ROBO1: variants seen among roughly 807,000 people sequenced by gnomAD.
The protein encoded by ROBO1 is roundabout guidance receptor 1.
ROBO1 carries 149 observed loss-of-function variants against 195.9 expected under a neutral mutation model. The observed-to-expected ratio is 0.76, with a 90% CI of 0.67 to 0.87. ROBO1 has a LOEUF of 0.87. ROBO1 is among the 40% of genes least tolerant of loss of function. The pLI, the probability that ROBO1 is intolerant of heterozygous loss-of-function variation, is 0.00. For missense variants in ROBO1, 1,933 were observed against 2,068.3 expected, an observed-to-expected ratio of 0.93 and a Z score of 1.27; for synonymous variants, 816 against 733.2, an observed-to-expected ratio of 1.11 and a Z score of -1.82.
chr3:78,849,206 G>A (rs2033873962), intron 4 of ROBO1, among the ~76,000 whole-genome samples: 1 of 152,056 alleles, frequency 6.6e-6, no homozygotes, highest in African/African-American at 2.4e-5. Flanking sequence ...CATGATGGGT[G>A]GGCAATTCCG....
chr3:78,891,209 G>GA (rs1433263600), intron 4 of ROBO1, among the ~76,000 whole-genome samples: 1 of 151,986 alleles, frequency 6.6e-6, no homozygotes, highest in Non-Finnish European at 1.5e-5. Flanking sequence ...ATATACAATG[G>GA]AAAAAATACA....
chr3:79,145,277 A>G (rs1044772355), intron 2 of ROBO1, among the ~76,000 whole-genome samples: 1 of 151,888 alleles, frequency 6.6e-6, no homozygotes, highest in Non-Finnish European at 1.5e-5. Context: ...AAAAATAGAT[A>G]AAAATCATTT....
chr3:78,881,806 A>C (rs1366803585), intron 4 of ROBO1, among the ~76,000 whole-genome samples: 1 of 152,224 alleles, frequency 6.6e-6, no homozygotes, highest in Non-Finnish European at 1.5e-5. Context: ...AAATTAGCTT[A>C]TGTGCATCCA....
intron 4 of ROBO1, among the ~76,000 whole-genome samples, chr3:78,761,761 G>A (rs929556315): frequency 6.6e-6 from 1 of 152,072 alleles, no homozygotes; most frequent in Non-Finnish European, 1.5e-5. Flanking sequence ...ACTGGTTATT[G>A]ATAGTGCATA....
chr3:79,058,085 T>C lies in ROBO1; in HGVS notation c.172+67371A>G, dbSNP rs544510393. On this transcript the variant is annotated intron_variant, in intron 3 of 30. Coordinates refer to ENST00000464233, the MANE Select transcript of ROBO1 (RefSeq NM_002941.4). Reference sequence around the variant, plus strand: ...TTAAGAAAAATGAAAGGGGGAGTAATGGGAGATACCCCACACTTTCAATAT... The same window carrying C: ...TTAAGAAAAATGAAAGGGGGAGTAACGGGAGATACCCCACACTTTCAATAT... Among the ~76,000 whole-genome samples the C allele has an allele frequency of 2.0e-5, 3 of 152,026 alleles. No homozygotes were observed. The South Asian group carries it at 6.2e-4, about 32-fold the overall frequency.
At chr3:78,605,276 A>G (rs1703403127) in intron 29 of ROBO1, among the ~76,000 whole-genome samples, 9 of 152,148 alleles carry the variant, frequency 5.9e-5, no homozygotes, top group Admixed American at 5.9e-4. Flanking sequence ...GGGTCGGTCA[A>G]TCTGTTTCCT....
At chr3:78,895,710 A>G (rs1461514697) in intron 4 of ROBO1, among the ~76,000 whole-genome samples, 1 of 152,238 alleles carries the variant, frequency 6.6e-6, no homozygotes, top group Non-Finnish European at 1.5e-5. Context: ...ACTGAACAGG[A>G]AACAGTGGTT....
intron 1 of ROBO1, among the ~76,000 whole-genome samples, chr3:79,640,737 C>G (rs575170078): frequency 9.2e-5 from 14 of 152,256 alleles, no homozygotes; most frequent in African/African-American, 3.4e-4. Flanking sequence ...CTATGAATAG[C>G]TCAGTTCTTT....
chr3:79,682,320 T>A (rs1946973723), intron 1 of ROBO1, among the ~76,000 whole-genome samples: 1 of 151,844 alleles, frequency 6.6e-6, no homozygotes, highest in Non-Finnish European at 1.5e-5. Context: ...GACCTGTGGC[T>A]GCGTAATATG....
chr3:79,556,870 C>T (rs1942718638), intron 2 of ROBO1, among the ~76,000 whole-genome samples: 1 of 151,538 alleles, frequency 6.6e-6, no homozygotes, highest in Non-Finnish European at 1.5e-5. Context: ...GCAACATTCT[C>T]TTCTACACTT....
chr3:79,715,731 G>C (rs58370013), intron 1 of ROBO1, among the ~76,000 whole-genome samples: 2,055 of 152,056 alleles, frequency 0.014, 38 homozygotes, highest in African/African-American at 0.047. Flanking sequence ...CCGTGTATTT[G>C]TGCTCGGCTT....
At chr3:78,841,513 C>T (rs564287107) in intron 4 of ROBO1, among the ~76,000 whole-genome samples, 1 of 152,264 alleles carries the variant, frequency 6.6e-6, no homozygotes, top group Admixed American at 6.5e-5. Context: ...TGACAATTGA[C>T]TCGACCCAGT....
At chr3:79,217,482 C>T (rs1044274746) in intron 2 of ROBO1, among the ~76,000 whole-genome samples, 5 of 152,008 alleles carry the variant, frequency 3.3e-5, no homozygotes, top group African/African-American at 1.2e-4. Context: ...AGCTTTGCTG[C>T]CTTGCCTAAC....
In ROBO1 at chr3:78,969,718, T is replaced by C. The variant is rs559672566; in HGVS notation, c.173-30791A>G. Among the ~76,000 whole-genome samples, 7 of 152,308 alleles carry C rather than the reference T, an allele frequency of 4.6e-5. No individual in the cohort carries two copies. In the South Asian group the frequency reaches 1.5e-3, roughly 32 times the overall value. On this transcript the variant is annotated intron_variant, in intron 3 of 30. Transcript: ENST00000464233. ...GGAGATTTTAATCCCTCACATTTTC[T>C]GAAGTTTGACTTTCAAAAAACCCAG...
intron 8 of ROBO1, among the ~76,000 whole-genome samples, chr3:78,710,461 C>G (rs1346770707): frequency 6.6e-6 from 1 of 152,136 alleles, no homozygotes; most frequent in Non-Finnish European, 1.5e-5. Context: ...TCTAAAACTA[C>G]TATTTTTCTA....
chr3:79,149,205 A>G (rs928120909), intron 2 of ROBO1, among the ~76,000 whole-genome samples: 7 of 151,950 alleles, frequency 4.6e-5, no homozygotes, highest in Admixed American at 6.6e-5. Flanking sequence ...CGTTTATTAT[A>G]AACTGTCCAT....
At chr3:79,590,020 T>C (rs1943949808) in intron 1 of ROBO1, 59 bp from the exon 2 acceptor site, 1 of 709,936 alleles carries the variant, frequency 1.4e-6, no homozygotes, top group Admixed American at 2.7e-5. Context: ...AAACAATTAT[T>C]TTGTGAAACA....
chr3:79,406,123 G>A (rs1417633001), intron 2 of ROBO1, among the ~76,000 whole-genome samples: 1 of 151,802 alleles, frequency 6.6e-6, no homozygotes. Context: ...CTTGACCTTT[G>A]GCCAGTGAGA....
At chr3:78,758,050 G>A (rs182110754) in intron 4 of ROBO1, among the ~76,000 whole-genome samples, 328 of 152,310 alleles carry the variant, frequency 2.2e-3, no homozygotes, top group African/African-American at 7.7e-3. Context: ...CCTTGGGAGA[G>A]TCTGCTCAGC....
Sources: gnomAD v4.1 joint callset for allele counts (sites outside exome capture counted in the v4.1 genomes callset) on GRCh38, gnomAD v4.1.1 for gene constraint, MANE v1.5 for transcripts, NCBI Gene and HGNC (gene_info 2026-07-23, HGNC 2026-07-21) for gene names.